RARB: variants seen among roughly 807,000 people sequenced by gnomAD.
RARB encodes HBV-activated protein.
RARB carries 17 observed loss-of-function variants against 51.9 expected under a neutral mutation model. That is an observed-to-expected ratio of 0.33 (90% CI 0.22 to 0.49). The LOEUF is 0.49. Among genes scored for constraint, RARB ranks in the 20% least tolerant of loss-of-function variants. RARB has a pLI of 0.99. For missense variants in RARB, 369 were observed against 550.8 expected, an observed-to-expected ratio of 0.67 and a Z score of 3.30; for synonymous variants, 215 against 195.4, an observed-to-expected ratio of 1.10 and a Z score of -0.84.
intron 5 of RARB, among the ~76,000 whole-genome samples, chr3:25,347,672 G>T (rs994852394): frequency 6.6e-6 from 1 of 152,174 alleles, no homozygotes; most frequent in Admixed American, 6.5e-5. Flanking sequence ...TGTAAAATTA[G>T]CAAAGGGCCC....
intron 5 of RARB, among the ~76,000 whole-genome samples, chr3:25,347,053 T>C (rs1242771127): frequency 6.6e-6 from 1 of 152,090 alleles, no homozygotes; most frequent in African/African-American, 2.4e-5. Flanking sequence ...ACTGTGGTGG[T>C]TGAGAATGAA....
rs561631258 is a variant in RARB at position 24,963,137 on chromosome 3, T to C, written c.-379-96988T>C. On this transcript the variant is annotated intron_variant, in intron 2 of 11. Coordinates refer to the RARB transcript ENST00000383772. ...TGTTCTTGATGTGATTTCCAATTTTTAAACTGATTTGGTTTTGATGATGAT... is the reference window on the plus strand; with the variant it reads ...TGTTCTTGATGTGATTTCCAATTTTCAAACTGATTTGGTTTTGATGATGAT... 2.0e-5 allele frequency among the ~76,000 whole-genome samples: 3 copies of C among 152,288 alleles called. No homozygotes were observed. The South Asian group carries it at 6.2e-4, about 32-fold the overall frequency.
chr3:25,096,372 C>A (rs1575158460), intron 3 of RARB, among the ~76,000 whole-genome samples: 1 of 152,178 alleles, frequency 6.6e-6, no homozygotes, highest in East Asian at 1.9e-4. Flanking sequence ...AGACCAGATA[C>A]CATTGGAGAA....
chr3:24,926,035 G>A (rs1422728620), intron 2 of RARB, among the ~76,000 whole-genome samples: 4 of 152,094 alleles, frequency 2.6e-5, no homozygotes, highest in Admixed American at 2.6e-4. Context: ...TCCTTGCAAA[G>A]TGAATTTATT....
intron 1 of RARB, among the ~76,000 whole-genome samples, chr3:25,436,567 C>T (rs557345462): frequency 1.3e-5 from 2 of 152,144 alleles, no homozygotes; most frequent in Non-Finnish European, 2.9e-5. Context: ...ACAATACAAA[C>T]TAGAGGTAGG....
intron 5 of RARB, among the ~76,000 whole-genome samples, chr3:25,414,240 T>C (rs1039209148): frequency 2.0e-5 from 3 of 152,262 alleles, no homozygotes; most frequent in African/African-American, 4.8e-5. Flanking sequence ...TGCTGTGGCA[T>C]GTATCAATAG....
intron 2 of RARB, among the ~76,000 whole-genome samples, chr3:24,901,448 C>T (rs2125371803): frequency 6.6e-6 from 1 of 152,152 alleles, no homozygotes; most frequent in Non-Finnish European, 1.5e-5. Flanking sequence ...ACTATGTAGC[C>T]CAGGCTGGCC....
At chr3:25,231,748 T>G (rs1011395475) in intron 5 of RARB, among the ~76,000 whole-genome samples, 1 of 152,184 alleles carries the variant, frequency 6.6e-6, no homozygotes, top group Non-Finnish European at 1.5e-5. Context: ...TTTTGTGCAT[T>G]TTTAAATTGG....
At chr3:25,257,346 A>G (rs1208861200) in intron 5 of RARB, among the ~76,000 whole-genome samples, 1 of 152,074 alleles carries the variant, frequency 6.6e-6, no homozygotes, top group Non-Finnish European at 1.5e-5. Context: ...GGGAATTGCA[A>G]ACAGCCTTGC....
At chr3:25,363,288 T>C (rs1349865753) in intron 5 of RARB, among the ~76,000 whole-genome samples, 1 of 152,124 alleles carries the variant, frequency 6.6e-6, no homozygotes, top group African/African-American at 2.4e-5. Flanking sequence ...CTCCATGATA[T>C]CTATAATTGA....
At chr3:25,325,973 T>A (rs1340023955) in intron 5 of RARB, among the ~76,000 whole-genome samples, 1 of 152,208 alleles carries the variant, frequency 6.6e-6, no homozygotes, top group Admixed American at 6.5e-5. Context: ...AAACGGAAGC[T>A]GACTGTACAT....
At chr3:25,493,316 CATAGACTTCCACT>C (rs750137194) in intron 2 of RARB, among the ~76,000 whole-genome samples, 6 of 152,208 alleles carry the variant, frequency 3.9e-5, no homozygotes, top group Non-Finnish European at 7.3e-5. Flanking sequence ...CGTTGTCACG[CATAGACTTCCACT>C]CTCTCCAGAG....
rs571390460 is a variant in RARB at position 25,188,038 on chromosome 3, T to C, written c.178+13463T>C. Among the ~76,000 whole-genome samples the C allele has an allele frequency of 6.6e-5, 10 of 152,238 alleles. No individual in the cohort carries two copies. The East Asian group carries it at 1.7e-3, about 26-fold the overall frequency. Reference sequence around the variant, plus strand: ...AATGTATTGACATGGAAATATTCAATGGGATAAACAAGTTACCGAATTAAT... The same window carrying C: ...AATGTATTGACATGGAAATATTCAACGGGATAAACAAGTTACCGAATTAAT... On this transcript the variant is annotated intron_variant, in intron 5 of 11. Transcript: ENST00000383772.
intron 2 of RARB, among the ~76,000 whole-genome samples, chr3:25,050,540 G>A (rs1698309649): frequency 6.6e-6 from 1 of 152,086 alleles, no homozygotes; most frequent in Non-Finnish European, 1.5e-5. Context: ...GTTCTATAAG[G>A]CTTTTAACAC....
At chr3:25,112,725 C>A (rs931474048) in intron 3 of RARB, among the ~76,000 whole-genome samples, 1 of 152,098 alleles carries the variant, frequency 6.6e-6, no homozygotes, top group African/African-American at 2.4e-5. Flanking sequence ...CTGCAGTGAG[C>A]CATAATAGCA....
At chr3:25,086,566 T>G (rs935918032) in intron 3 of RARB, among the ~76,000 whole-genome samples, 1 of 152,174 alleles carries the variant, frequency 6.6e-6, no homozygotes, top group African/African-American at 2.4e-5. Context: ...CAGGAGATTC[T>G]GAGAACATGT....
chr3:25,207,985 C>T (rs1160941341), intron 5 of RARB, among the ~76,000 whole-genome samples: 1 of 151,200 alleles, frequency 6.6e-6, no homozygotes, highest in Non-Finnish European at 1.5e-5. Flanking sequence ...CAGGAGCAAG[C>T]ATGTCACATG....
chr3:25,142,274 C>T (rs1048266607), intron 4 of RARB, among the ~76,000 whole-genome samples: 2 of 152,114 alleles, frequency 1.3e-5, no homozygotes, highest in African/African-American at 4.8e-5. Context: ...GTGGAAGTTG[C>T]AGTTAACCTA....
intron 2 of RARB, among the ~76,000 whole-genome samples, chr3:24,898,713 C>T (rs1439625945): frequency 6.6e-6 from 1 of 152,216 alleles, no homozygotes; most frequent in Non-Finnish European, 1.5e-5. Context: ...CCCCCTTCCC[C>T]TATAGCGGAT....
Sources: gnomAD v4.1 joint callset for allele counts (sites outside exome capture counted in the v4.1 genomes callset) on GRCh38, gnomAD v4.1.1 for gene constraint, MANE v1.5 for transcripts, NCBI Gene and HGNC (gene_info 2026-07-23, HGNC 2026-07-21) for gene names.